Variants in TLE4 observed in about 807,000 individuals in gnomAD.
TLE4 encodes TLE family member 4, transcriptional corepressor.
TLE4 carries 8 observed loss-of-function variants against 92.8 expected under a neutral mutation model. The observed-to-expected ratio is 0.09, with a 90% confidence interval of 0.05 to 0.16. TLE4 has a LOEUF of 0.16. Among genes scored for constraint, TLE4 ranks in the 10% least tolerant of loss-of-function variants. The pLI, the probability that TLE4 is intolerant of heterozygous loss-of-function variation, is 1.00. For missense variants in TLE4, 675 were observed against 997.6 expected (o/e 0.68, Z 4.36); for synonymous variants, 371 against 374.1 (o/e 0.99, Z 0.10).
At chr9:79,674,098 C>G (rs1207652439) in intron 8 of TLE4, among the ~76,000 whole-genome samples, 1 of 152,116 alleles carries the variant, frequency 6.6e-6, no homozygotes, top group Non-Finnish European at 1.5e-5. Context: ...TATTGCTTTT[C>G]TCAATGTTTA....
At position 79,706,886 on chromosome 9, in the gene TLE4, A is replaced by G; in HGVS notation, c.923A>G (p.Lys308Arg). The stretch of plus-strand genomic sequence containing the variant: ...AGCAGTACTCCCTCCTCCAAATCCA[A>G]AGAACTTAGCCTTGTAAGCAGCTCC... The part of the protein sequence containing the change: ...SSSSTPSSKS[K>R]ELSLNEKSTT... The change falls in exon 11 of 20, where the codon AAA becomes AGA. Residue 308 changes from lysine to arginine, a missense_variant. By Grantham distance (26) the Lys-to-Arg change is conservative. Around this residue, in one of 5 missense-constraint regions of TLE4, gnomAD observed 280 missense variants for 287.3 expected, o/e 0.97. Transcript: ENST00000376552. The G allele has an allele frequency of 6.2e-7, 1 of 1,614,026 alleles. No individual in the cohort carries two copies. The highest frequency in any genetic ancestry group is 8.5e-7 in the Non-Finnish European group (1 of 1,179,982).
intron 3 of TLE4, 132 bp from the exon 4 acceptor site, chr9:79,576,001 A>G (rs1157921463): frequency 2.6e-5 from 13 of 505,884 alleles, no homozygotes; most frequent in African/African-American, 3.9e-5. Context: ...ATTTATTGGC[A>G]TAGGTTATAT....
At position 79,701,453 on chromosome 9, in the gene TLE4, A is replaced by G. The variant is rs146770460; in HGVS notation, c.610-3330A>G. 2.6e-3 allele frequency among the ~76,000 whole-genome samples: 399 copies of G among 152,352 alleles called. 1 individual carries two copies. The highest frequency in any genetic ancestry group is 9.2e-3 in the African/African-American group (381 of 41,584). Reference sequence around the variant, plus strand: ...TAGGCATTACCTTTTAGTATTTTTAAGAAATTGTTTTGTTTAGAAATTTTT... The same window carrying G: ...TAGGCATTACCTTTTAGTATTTTTAGGAAATTGTTTTGTTTAGAAATTTTT... On this transcript the variant is annotated intron_variant, in intron 8 of 19. Coordinates refer to ENST00000376552, the MANE Select transcript of TLE4 (RefSeq NM_007005.6).
intron 8 of TLE4, among the ~76,000 whole-genome samples, chr9:79,667,298 T>G (rs2061554900): frequency 6.6e-6 from 1 of 152,188 alleles, no homozygotes; most frequent in South Asian, 2.1e-4. Context: ...AGGGTGTTGC[T>G]CAGCCAACTG....
chr9:79,708,400 C>T, intron 12 of TLE4, 150 bp downstream of exon 12: 1 of 1,143,908 alleles, frequency 8.7e-7, no homozygotes, highest in South Asian at 1.6e-5. Context: ...CACCTGGGAC[C>T]AACCTTGTCT....
intron 4 of TLE4, among the ~76,000 whole-genome samples, chr9:79,602,993 T>C (rs2046002861): frequency 6.6e-6 from 1 of 152,092 alleles, no homozygotes; most frequent in African/African-American, 2.4e-5. Context: ...TTCAAGACCC[T>C]GAGGATGTTC....
intron 8 of TLE4, among the ~76,000 whole-genome samples, chr9:79,702,447 C>G (rs540965173): frequency 1.3e-5 from 2 of 152,128 alleles, no homozygotes; most frequent in African/African-American, 4.8e-5. Context: ...TCATGAAAAC[C>G]TACTGAGTGC....
intron 8 of TLE4, among the ~76,000 whole-genome samples, chr9:79,656,946 C>T (rs982763323): frequency 6.6e-6 from 1 of 152,060 alleles, no homozygotes; most frequent in African/African-American, 2.4e-5. Flanking sequence ...ACGCTGTTGG[C>T]TTTATTGATC....
intron 6 of TLE4, among the ~76,000 whole-genome samples, chr9:79,642,858 C>G (rs1163525737): frequency 6.6e-6 from 1 of 152,146 alleles, no homozygotes; most frequent in Non-Finnish European, 1.5e-5. Flanking sequence ...ATTTGGAGGA[C>G]TACAGAGATC....
intron 1 of TLE4, chr9:79,573,471 C>A: frequency 9.7e-7 from 1 of 1,030,760 alleles, no homozygotes. Context: ...GCGCGGGGGC[C>A]TGCGGGCGGG....
chr9:79,606,187 G>GTTGTTTTTTTTTTTTTTTTTTTTTTTTT (rs2046834923), intron 4 of TLE4, among the ~76,000 whole-genome samples: 1 of 28,674 alleles, frequency 3.5e-5, no homozygotes, highest in African/African-American at 1.3e-4. Flanking sequence ...AGTAGTAGTT[G>GTTGTTTTTTTTTTTTTTTTTTTTTTTTT]TTTTTTTTTT....
chr9:79,688,809 T>G (rs2066435894), intron 8 of TLE4, among the ~76,000 whole-genome samples: 1 of 152,086 alleles, frequency 6.6e-6, no homozygotes, highest in South Asian at 2.1e-4. Context: ...AAATTCTGTT[T>G]TCTTCCATCT....
At chr9:79,638,120 T>C (rs2056360887) in intron 6 of TLE4, among the ~76,000 whole-genome samples, 1 of 152,110 alleles carries the variant, frequency 6.6e-6, no homozygotes, top group South Asian at 2.1e-4. Flanking sequence ...TTAAGAACTA[T>C]TGTTGGTACT....
At chr9:79,651,190 A>C (rs1309305606) in intron 6 of TLE4, among the ~76,000 whole-genome samples, 1 of 152,184 alleles carries the variant, frequency 6.6e-6, no homozygotes, top group Non-Finnish European at 1.5e-5. Context: ...AAAAACTAAA[A>C]TTCAGTCACT....
At chr9:79,613,072 T>C (rs2048730027) in intron 5 of TLE4, among the ~76,000 whole-genome samples, 3 of 152,172 alleles carry the variant, frequency 2.0e-5, no homozygotes, top group African/African-American at 7.2e-5. Flanking sequence ...TACTCTGTAC[T>C]ATTGTCATTG....
intron 5 of TLE4, among the ~76,000 whole-genome samples, 189 bp downstream of exon 5, chr9:79,612,907 A>G (rs1371307080): frequency 1.3e-5 from 2 of 152,166 alleles, no homozygotes; most frequent in Admixed American, 1.3e-4. Context: ...TATAATTTAT[A>G]TGTGTTTACA....
intron 8 of TLE4, among the ~76,000 whole-genome samples, chr9:79,665,430 A>G (rs1217033027): frequency 1.3e-5 from 2 of 152,220 alleles, no homozygotes; most frequent in East Asian, 1.9e-4. Flanking sequence ...AGAATAAAAT[A>G]TATTAATGGA....
chr9:79,615,695 A>G (rs2049399873), intron 5 of TLE4, among the ~76,000 whole-genome samples: 1 of 152,222 alleles, frequency 6.6e-6, no homozygotes, highest in Non-Finnish European at 1.5e-5. Context: ...TTTAACTTCA[A>G]GACTTTTTCT....
intron 6 of TLE4, among the ~76,000 whole-genome samples, chr9:79,644,777 T>C (rs1428203046): frequency 6.6e-6 from 1 of 152,222 alleles, no homozygotes; most frequent in East Asian, 1.9e-4. Flanking sequence ...TTGGCTCCTT[T>C]CAAGGTCTGC....
Sources: allele counts gnomAD v4.1 joint callset (sites outside exome capture counted in the v4.1 genomes callset), GRCh38; gene constraint gnomAD v4.1.1; regional missense constraint gnomAD v4.1.1; transcripts MANE v1.5; gene names NCBI Gene and HGNC (gene_info 2026-07-23, HGNC 2026-07-21).